Variants in PTPRQ observed in about 807,000 individuals in gnomAD.
PTPRQ encodes the protein protein tyrosine phosphatase receptor type Q, also known as phosphatidylinositol phosphatase PTPRQ.
Under a neutral mutation model 246.0 loss-of-function variants are expected in PTPRQ, and 199 were observed. That is an observed-to-expected ratio of 0.81 (90% CI 0.72 to 0.91). PTPRQ has a LOEUF of 0.91. Ranked by LOEUF, PTPRQ falls within the 40% of genes least tolerant of loss-of-function variation. PTPRQ has a pLI of 0.00. For synonymous variants in PTPRQ, 869 were observed against 853.2 expected (o/e 1.02, Z -0.32); for missense variants, 2,624 against 2,528.4 (o/e 1.04, Z -0.81).
chr12:80,552,646 T>A (rs1896514115), intron 25 of PTPRQ, among the ~76,000 whole-genome samples: 1 of 622 alleles, frequency 1.6e-3, no homozygotes, highest in African/African-American at 3.6e-3. Flanking sequence ...AAAAAAAAAT[T>A]ATATATATAT....
At chr12:80,503,890 G>C (rs940713507) in intron 14 of PTPRQ, among the ~76,000 whole-genome samples, 2 of 151,648 alleles carry the variant, frequency 1.3e-5, no homozygotes, top group African/African-American at 4.8e-5. Flanking sequence ...TGGAATTCCA[G>C]TTGTTTTTCA....
intron 17 of PTPRQ, among the ~76,000 whole-genome samples, chr12:80,515,971 G>A (rs1008313090): frequency 3.9e-5 from 6 of 152,068 alleles, no homozygotes; most frequent in Non-Finnish European, 7.4e-5. Context: ...TCCTTCTGAA[G>A]TTTGCTTTGC....
At chr12:80,633,817 T>C (rs970725963) in intron 34 of PTPRQ, among the ~76,000 whole-genome samples, 1 of 152,196 alleles carries the variant, frequency 6.6e-6, no homozygotes, top group African/African-American at 2.4e-5. Flanking sequence ...GCCACATTTA[T>C]GTAATTTCCC....
chr12:80,463,173 G>A (rs185868922), intron 6 of PTPRQ, among the ~76,000 whole-genome samples: 28,295 of 152,160 alleles, frequency 0.19, 2,826 homozygotes, highest in Non-Finnish European at 0.22. Flanking sequence ...AGTGCTTAAA[G>A]GAGCTGATGG....
intron 26 of PTPRQ, among the ~76,000 whole-genome samples, chr12:80,595,554 A>G (rs1039941113): frequency 1.3e-5 from 2 of 152,028 alleles, no homozygotes; most frequent in Non-Finnish European, 2.9e-5. Context: ...TATTTCACAA[A>G]ACCAGTATAT....
chr12:80,471,474 A>ATTTTTTTTTTTTTTTTTTTTTTTTTTT, intron 7 of PTPRQ, among the ~76,000 whole-genome samples: 2 of 73,198 alleles, frequency 2.7e-5, no homozygotes, highest in Non-Finnish European at 2.4e-5. Context: ...ATTATTTAGC[A>ATTTTTTTTTTTTTTTTTTTTTTTTTTT]TTTTTTTTTT....
chr12:80,609,051 C>T (rs2121095505), intron 27 of PTPRQ, among the ~76,000 whole-genome samples: 2 of 150,664 alleles, frequency 1.3e-5, no homozygotes, highest in South Asian at 4.2e-4. Flanking sequence ...TGGGGCATTT[C>T]TGTCCACTGC....
At chr12:80,626,806 A>T (rs1036324870) in intron 33 of PTPRQ, among the ~76,000 whole-genome samples, 1 of 152,054 alleles carries the variant, frequency 6.6e-6, no homozygotes, top group African/African-American at 2.4e-5. Context: ...TCTCTTCTTG[A>T]TAGTTTTAAT....
intron 17 of PTPRQ, among the ~76,000 whole-genome samples, chr12:80,532,062 T>C (rs1895860369): frequency 6.6e-6 from 1 of 152,150 alleles, no homozygotes; most frequent in Admixed American, 6.5e-5. Flanking sequence ...AGTTGGTAGA[T>C]ACTTATGTAC....
chr12:80,518,137 C>T (rs949324806), intron 17 of PTPRQ, among the ~76,000 whole-genome samples: 1 of 152,074 alleles, frequency 6.6e-6, no homozygotes, highest in Non-Finnish European at 1.5e-5. Flanking sequence ...ACATTCTCTC[C>T]AACATTTGTT....
At chr12:80,480,308 A>G (rs1230131890) in intron 8 of PTPRQ, among the ~76,000 whole-genome samples, 1 of 152,164 alleles carries the variant, frequency 6.6e-6, no homozygotes, top group Non-Finnish European at 1.5e-5. Flanking sequence ...AGAAATAAAG[A>G]TGTTCTTTGA....
intron 39 of PTPRQ, among the ~76,000 whole-genome samples, chr12:80,662,964 A>G (rs1900677692): frequency 6.6e-6 from 1 of 152,032 alleles, no homozygotes; most frequent in African/African-American, 2.4e-5. Flanking sequence ...TTCATAAGAT[A>G]CAATGGAAAT....
intron 33 of PTPRQ, among the ~76,000 whole-genome samples, chr12:80,622,806 C>G (rs1398285979): frequency 6.6e-6 from 1 of 151,932 alleles, no homozygotes; most frequent in African/African-American, 2.4e-5. Flanking sequence ...ATAAGAGTAT[C>G]ATCCTTGAGG....
chr12:80,487,019 A>G (rs999747033), intron 9 of PTPRQ, among the ~76,000 whole-genome samples: 2 of 152,152 alleles, frequency 1.3e-5, no homozygotes, highest in Non-Finnish European at 2.9e-5. Flanking sequence ...TTTTTAGTGA[A>G]GATGTTCCAC....
rs1893625866 is a variant in PTPRQ, at chr12:80,471,487, T to TTTTTTTTTTTTG, written c.1040-614_1040-613insTTTTTTTGTTTT. On this transcript the variant is annotated intron_variant, in intron 7 of 44. Coordinates refer to ENST00000644991, the MANE Select transcript of PTPRQ (RefSeq NM_001145026.2). ...AAATTATTTAGCATTTTTTTTTTTT[T>TTTTTTTTTTTTG]TTTTATTTGAGACAGAGTCTCGCTC... 4.9e-5 allele frequency among the ~76,000 whole-genome samples: 2 copies of TTTTTTTTTTTTG among 40,558 alleles called. 1 individual carries two copies. Among genetic ancestry groups the TTTTTTTTTTTTG allele is most frequent in the African/African-American group, 1.9e-4 (2 of 10,614 alleles). 26.6% of individuals were successfully genotyped at this position (40,558 alleles called of 152,430 possible).
At chr12:80,521,556 GA>G (rs1423304193) in intron 17 of PTPRQ, among the ~76,000 whole-genome samples, 2 of 151,816 alleles carry the variant, frequency 1.3e-5, no homozygotes, top group African/African-American at 4.8e-5. Context: ...GTAAGGAAGG[GA>G]TCCAGTTTCA....
intron 25 of PTPRQ, among the ~76,000 whole-genome samples, chr12:80,568,634 A>G (rs79875640): frequency 0.01 from 1,580 of 152,244 alleles, 19 homozygotes; most frequent in Non-Finnish European, 0.018. Flanking sequence ...TTATATTCAA[A>G]TTTCATTTCC....
At chr12:80,480,181 C>A (rs564472900) in intron 8 of PTPRQ, among the ~76,000 whole-genome samples, 16 of 152,208 alleles carry the variant, frequency 1.1e-4, no homozygotes, top group African/African-American at 3.9e-4. Flanking sequence ...ATCTCTGAGA[C>A]CACAGTGCAA....
rs570856977 is a variant in PTPRQ at position 80,675,008 on chromosome 12, T to C, written c.6738+1704T>C. On this transcript the variant is annotated intron_variant, in intron 43 of 44. Coordinates refer to ENST00000644991, the MANE Select transcript of PTPRQ (RefSeq NM_001145026.2). ...ACAGTCTCTTTGTAGGAATCTTCCTTAACTACTTCAATTCTGTGATAATTA... is the reference window on the plus strand; with the variant it reads ...ACAGTCTCTTTGTAGGAATCTTCCTCAACTACTTCAATTCTGTGATAATTA... 9.2e-5 allele frequency among the ~76,000 whole-genome samples: 14 copies of C among 152,308 alleles called. No homozygotes were observed. In the South Asian group the frequency reaches 2.9e-3, roughly 32 times the overall value.
Sources: gnomAD v4.1 joint callset for allele counts (sites outside exome capture counted in the v4.1 genomes callset) on GRCh38, gnomAD v4.1.1 for gene constraint, MANE v1.5 for transcripts, NCBI Gene and HGNC (gene_info 2026-07-23, HGNC 2026-07-21) for gene names.